The following CAP2 variants were observed in gnomAD, a reference collection of about 807,000 sequenced individuals.
The protein encoded by CAP2 is adenylyl cyclase-associated protein 2.
CAP2 carries 24 observed loss-of-function variants against 57.7 expected under a neutral mutation model. That is an observed-to-expected ratio of 0.42 (90% CI 0.30 to 0.58). CAP2 has a LOEUF of 0.58. CAP2 is among the 20% of genes least tolerant of loss of function. CAP2 has a pLI of 0.22. For missense variants in CAP2, 501 were observed against 590.3 expected (o/e 0.85, Z 1.57); for synonymous variants, 194 against 207.2 (o/e 0.94, Z 0.55).
intron 4 of CAP2, among the ~76,000 whole-genome samples, chr6:17,482,507 C>CAAAA (rs60053497): frequency 3.0e-4 from 21 of 70,792 alleles, no homozygotes; most frequent in African/African-American, 5.0e-4. Flanking sequence ...GACTCCATCT[C>CAAAA]AAAAAAAAAA....
rs1762941042 is a variant in CAP2 at position 17,542,907 on chromosome 6, A to G, written c.1073A>G (p.Lys358Arg). Residue 358 changes from lysine to arginine, a missense_variant, in exon 10 of 13, where the codon AAA (lysine) becomes AGA (arginine). Lys to Arg is a conservative substitution (Grantham distance 26, BLOSUM62 2). Transcript: ENST00000229922. ...CTGAAACAAGTGGCTTACATTTTCA[A>G]ATGCGAAAAATCAACTATTCAGATA... ...TELKQVAYIF[K>R]CEKSTIQIKG... 1 of 1,613,604 alleles carries G rather than the reference A, an allele frequency of 6.2e-7. No individual in the cohort carries two copies. Among genetic ancestry groups the G allele is most frequent in the Non-Finnish European group, 8.5e-7 (1 of 1,179,616 alleles).
intron 1 of CAP2, among the ~76,000 whole-genome samples, chr6:17,410,176 T>C (rs929670081): frequency 5.3e-5 from 8 of 152,214 alleles, no homozygotes; most frequent in African/African-American, 1.9e-4. Flanking sequence ...TTCCCAGGGC[T>C]CAGTTGCATG....
In CAP2 at chr6:17,502,716, T is replaced by C. The variant is rs139925290; in HGVS notation, c.301-4453T>C. On this transcript the variant is annotated intron_variant, in intron 4 of 12. Coordinates refer to ENST00000229922, the MANE Select transcript of CAP2 (RefSeq NM_006366.3). ...ATAAATCTCTCTAATGTTATAAATATACAGTTTCTGGTTCTTTTTCCCCTT... is the reference window on the plus strand; with the variant it reads ...ATAAATCTCTCTAATGTTATAAATACACAGTTTCTGGTTCTTTTTCCCCTT... 2.6e-3 allele frequency among the ~76,000 whole-genome samples: 403 copies of C among 152,328 alleles called. 1 individual carries two copies. Among genetic ancestry groups the C allele is most frequent in the African/African-American group, 9.4e-3 (391 of 41,568 alleles).
chr6:17,439,866 A>C (rs536746948), intron 3 of CAP2, among the ~76,000 whole-genome samples: 1 of 151,342 alleles, frequency 6.6e-6, no homozygotes, highest in South Asian at 2.1e-4. Flanking sequence ...CCTGCTGTGC[A>C]CCCCACTTCC....
chr6:17,470,447 C>G (rs1760988145), intron 4 of CAP2, among the ~76,000 whole-genome samples: 1 of 152,200 alleles, frequency 6.6e-6, no homozygotes, highest in African/African-American at 2.4e-5. Context: ...CCCCAAATCT[C>G]AAAGGCTTAA....
At chr6:17,496,035 G>C (rs1019090004) in intron 4 of CAP2, among the ~76,000 whole-genome samples, 4 of 130,790 alleles carry the variant, frequency 3.1e-5, no homozygotes, top group African/African-American at 9.0e-5. Flanking sequence ...GGTGGGGGGG[G>C]GGGGTAAGTC....
intron 3 of CAP2, among the ~76,000 whole-genome samples, chr6:17,447,990 A>G (rs1266767746): frequency 6.6e-6 from 1 of 152,208 alleles, no homozygotes; most frequent in Non-Finnish European, 1.5e-5. Flanking sequence ...TTAAGCAGTA[A>G]TTACTGAGCT....
chr6:17,433,572 A>G (rs17881835), intron 3 of CAP2, among the ~76,000 whole-genome samples: 61,565 of 152,038 alleles, frequency 0.4, 13,044 homozygotes, highest in South Asian at 0.48. Flanking sequence ...TGACCAGGAG[A>G]ATGCTGCCTC....
chr6:17,406,418 C>T (rs1452441162), intron 1 of CAP2, among the ~76,000 whole-genome samples: 1 of 65,848 alleles, frequency 1.5e-5, no homozygotes, highest in African/African-American at 1.2e-4. Flanking sequence ...TTTTTTGAGG[C>T]AGTCTCACTC....
At chr6:17,553,015 C>T (rs866410719) in intron 12 of CAP2, among the ~76,000 whole-genome samples, 16 of 152,166 alleles carry the variant, frequency 1.1e-4, no homozygotes, top group South Asian at 4.1e-4. Context: ...ACAGAAGAGT[C>T]CTCTCTTGGG....
chr6:17,416,418 G>A (rs1385614100), intron 1 of CAP2, among the ~76,000 whole-genome samples: 4 of 152,176 alleles, frequency 2.6e-5, no homozygotes, highest in Non-Finnish European at 5.9e-5. Flanking sequence ...TGGCAACCCT[G>A]TGTATAGTAT....
chr6:17,463,069 A>G lies in CAP2; in HGVS notation c.296A>G (p.His99Arg), dbSNP rs1459930415. 5.6e-6 allele frequency: 9 copies of G among 1,610,742 alleles called. No homozygotes were observed. The highest frequency in any genetic ancestry group is 7.6e-6 in the Non-Finnish European group (9 of 1,176,970). The change falls in exon 4 of 13, where the codon CAC becomes CGC. Residue 99 changes from histidine to arginine, a missense_variant. Physicochemically the swap from His to Arg is conservative, Grantham distance 29. Transcript: ENST00000229922. ...ATGGCCTCTCAGTACCAACAACCCC[A>G]CGAGGTAAGAGAGTGTCCTGAGAGG... ...LLMASQYQQP[H>R]ENDVAALLKP... is the part of the protein sequence containing the mutation.
chr6:17,493,293 A>G (rs1005178736), intron 4 of CAP2: 26 of 221,128 alleles, frequency 1.2e-4, no homozygotes, highest in African/African-American at 2.3e-5. Context: ...CAAATAAGCC[A>G]CTTAAATAGT....
Position 17,439,255 on chromosome 6 carries a change from GT to G in CAP2, c.222+12577del, listed in dbSNP as rs36031913. Among the ~76,000 whole-genome samples the G allele has an allele frequency of 5.4e-3, 795 of 146,646 alleles. 5 individuals carry two copies. The highest frequency in any genetic ancestry group is 8.0e-3 in the Non-Finnish European group (536 of 67,010). On this transcript the variant is annotated intron_variant, in intron 3 of 12. Transcript: ENST00000229922. ...ATGACGTTAAGGCATGGATCCAACT[GT>G]TTTTTTTTTTTCCAGATAGGTTCCT...
At chr6:17,440,620 T>TGTGG (rs1760047522) in intron 3 of CAP2, among the ~76,000 whole-genome samples, 1 of 150,366 alleles carries the variant, frequency 6.7e-6, no homozygotes, top group African/African-American at 2.5e-5. Context: ...GTGTGGTGTG[T>TGTGG]GTGTGTGTGT....
At chr6:17,485,240 C>A (rs1470726188) in intron 4 of CAP2, among the ~76,000 whole-genome samples, 1 of 151,918 alleles carries the variant, frequency 6.6e-6, no homozygotes, top group African/African-American at 2.4e-5. Context: ...TCTCAAAATT[C>A]TCTTATCACC....
At position 17,513,986 on chromosome 6, in the gene CAP2, A is replaced by G. The variant is rs1302359235; in HGVS notation, c.636+32A>G. ...ACGAGGCCTTCCTCCACGTGTGTAA[A>G]AAAAGGCCATGACTATATATACACC... On this transcript the variant is annotated intron_variant, in intron 7 of 12. Transcript: ENST00000229922. The surrounding 1 kb of genome is among the most constrained non-coding windows in gnomAD (Gnocchi z 4.3). The G allele has an allele frequency of 3.0e-6, 4 of 1,327,854 alleles. No homozygotes were observed. Among genetic ancestry groups the G allele is most frequent in the African/African-American group, 2.9e-5 (2 of 69,158 alleles). The allele number at this position is 1,327,854 out of a possible 1,614,324, so 82.3% of individuals were successfully genotyped here.
intron 4 of CAP2, among the ~76,000 whole-genome samples, chr6:17,469,171 C>T (rs1561794472): frequency 6.6e-6 from 1 of 152,196 alleles, no homozygotes; most frequent in Non-Finnish European, 1.5e-5. Context: ...TGGGCACCAC[C>T]CCAAGGAAGA....
rs764955583 is a variant in CAP2 at position 17,541,094 on chromosome 6, T to C, written c.948T>C (p.Tyr316=). ...CAAGTCCCACATCTCCTAAATCTTA[T>C]CCTTCTCAAAAACATGCCCCAGTGT... is the stretch of plus-strand genomic sequence containing the variant. ...HTPSPTSPKS[Y]PSQKHAPVLE... Residue 316 remains tyrosine, a synonymous_variant, in exon 9 of 13, where the codon TAT becomes TAC. Transcript: ENST00000229922. 3.7e-6 allele frequency: 6 copies of C among 1,614,078 alleles called. No homozygotes were observed. The highest frequency in any genetic ancestry group is 2.2e-5 in the East Asian group (1 of 44,876).
Sources: gnomAD v4.1 joint callset for allele counts (sites outside exome capture counted in the v4.1 genomes callset) on GRCh38, gnomAD v4.1.1 for gene constraint, Gnocchi (gnomAD v3.1) non-coding constraint, MANE v1.5 for transcripts, NCBI Gene and HGNC (gene_info 2026-07-23, HGNC 2026-07-21) for gene names.